PSD3: variants seen among roughly 807,000 people sequenced by gnomAD.
PSD3 encodes PH and SEC7 domain-containing protein 3.
In PSD3, 49 loss-of-function variants were observed where a neutral mutation model predicts 105.5. That is an observed-to-expected ratio of 0.46 (90% CI 0.37 to 0.59). The LOEUF (loss-of-function observed/expected upper bound fraction) is 0.59, where lower values mean the gene tolerates loss of function less well. PSD3 is among the 20% of genes least tolerant of loss of function. PSD3 has a pLI of 0.00. For synonymous variants in PSD3, 557 were observed against 457.8 expected, an observed-to-expected ratio of 1.22 and a Z score of -2.77; for missense variants, 1,561 against 1,263.8, an observed-to-expected ratio of 1.24 and a Z score of -3.57.
chr8:18,878,619 C>A (rs574939927), intron 2 of PSD3, among the ~76,000 whole-genome samples: 1 of 152,176 alleles, frequency 6.6e-6, no homozygotes, highest in South Asian at 2.1e-4. Context: ...ACCTGACATA[C>A]TTTTTCTTCT....
At chr8:18,877,422 A>G (rs1197194872) in intron 2 of PSD3, among the ~76,000 whole-genome samples, 1 of 152,188 alleles carries the variant, frequency 6.6e-6, no homozygotes, top group Admixed American at 6.5e-5. Flanking sequence ...TGAAAAGACT[A>G]TTCTTTACCC....
At chr8:18,959,713 A>G (rs1823795461) in intron 1 of PSD3, among the ~76,000 whole-genome samples, 1 of 152,156 alleles carries the variant, frequency 6.6e-6, no homozygotes, top group Non-Finnish European at 1.5e-5. Flanking sequence ...AGTGACAAGA[A>G]TTAGCCAGAC....
intron 2 of PSD3, among the ~76,000 whole-genome samples, chr8:18,919,262 G>A (rs1820832322): frequency 6.6e-6 from 1 of 152,072 alleles, no homozygotes; most frequent in South Asian, 2.1e-4. Context: ...CGCCAGCCAG[G>A]AAGGAGTTTC....
chr8:18,603,804 T>C, intron 11 of PSD3, among the ~76,000 whole-genome samples: 1 of 152,168 alleles, frequency 6.6e-6, no homozygotes, highest in East Asian at 1.9e-4. Context: ...TCGCCCAGTT[T>C]GCTTGCTCCT....
chr8:18,909,766 G>T (rs1031568915), intron 2 of PSD3, among the ~76,000 whole-genome samples: 39 of 152,302 alleles, frequency 2.6e-4, no homozygotes, highest in African/African-American at 9.1e-4. Flanking sequence ...TTACAGGTGT[G>T]AGCCACCATG....
intron 9 of PSD3, among the ~76,000 whole-genome samples, chr8:18,701,242 T>C (rs1026545554): frequency 6.6e-6 from 1 of 151,984 alleles, no homozygotes; most frequent in African/African-American, 2.4e-5. Flanking sequence ...AATTCTGAGA[T>C]TACAGGTGCA....
intron 2 of PSD3, among the ~76,000 whole-genome samples, chr8:18,908,575 C>T (rs572837098): frequency 6.6e-6 from 1 of 152,198 alleles, no homozygotes; most frequent in Non-Finnish European, 1.5e-5. Context: ...CCTGACTTCC[C>T]GTTCTGATCC....
At chr8:18,610,376 C>T (rs1478069595) in intron 11 of PSD3, among the ~76,000 whole-genome samples, 2 of 152,160 alleles carry the variant, frequency 1.3e-5, no homozygotes, top group South Asian at 2.1e-4. Flanking sequence ...GCTGAGTGTT[C>T]GAACTGTATT....
chr8:18,617,019 G>C (rs572453003), intron 11 of PSD3, among the ~76,000 whole-genome samples: 2 of 152,082 alleles, frequency 1.3e-5, no homozygotes, highest in Non-Finnish European at 2.9e-5. Context: ...ATTGAGGGTC[G>C]TGTAATCAAT....
chr8:18,900,618 T>G (rs966155648), intron 2 of PSD3, among the ~76,000 whole-genome samples: 3 of 145,408 alleles, frequency 2.1e-5, no homozygotes, highest in African/African-American at 7.6e-5. Flanking sequence ...TGATGAAAAA[T>G]ACACAAAAAC....
At chr8:18,810,098 C>T (rs1169493042) in intron 4 of PSD3, among the ~76,000 whole-genome samples, 4 of 152,164 alleles carry the variant, frequency 2.6e-5, no homozygotes, top group Non-Finnish European at 5.9e-5. Flanking sequence ...TGCTCCCATG[C>T]CTTTTACGTA....
At chr8:18,945,435 T>C (rs568825599) in intron 1 of PSD3, among the ~76,000 whole-genome samples, 2 of 152,322 alleles carry the variant, frequency 1.3e-5, no homozygotes, top group South Asian at 4.1e-4. Context: ...ATGCAAGAAA[T>C]GTAGCTCTAG....
At chr8:18,701,495 T>C (rs575007728) in intron 9 of PSD3, among the ~76,000 whole-genome samples, 1 of 152,192 alleles carries the variant, frequency 6.6e-6, no homozygotes, top group Admixed American at 6.5e-5. Context: ...TTATACAGAA[T>C]GGAACAATCA....
At chr8:18,918,409 G>A (rs1231734525) in intron 2 of PSD3, among the ~76,000 whole-genome samples, 2 of 152,176 alleles carry the variant, frequency 1.3e-5, no homozygotes, top group Non-Finnish European at 2.9e-5. Flanking sequence ...TACCTCTACT[G>A]TAGCAGGTAT....
At chr8:18,539,551 T>TG (rs1224576498) in intron 15 of PSD3, among the ~76,000 whole-genome samples, 1 of 149,902 alleles carries the variant, frequency 6.7e-6, no homozygotes, top group African/African-American at 2.4e-5. Flanking sequence ...AAATTACTTT[T>TG]TTTTTTTTTT....
chr8:18,928,094 C>T (rs1419456179), intron 2 of PSD3, among the ~76,000 whole-genome samples: 1 of 152,140 alleles, frequency 6.6e-6, no homozygotes, highest in African/African-American at 2.4e-5. Flanking sequence ...GGAAAAGCAA[C>T]CCAAATGTAT....
chr8:18,647,175 G>C (rs574385622), intron 10 of PSD3, among the ~76,000 whole-genome samples: 7 of 152,274 alleles, frequency 4.6e-5, no homozygotes, highest in African/African-American at 1.4e-4. Context: ...CTGATTTCCT[G>C]AAAAGACCAG....
At chr8:18,809,060 T>C (rs538154759) in intron 4 of PSD3, among the ~76,000 whole-genome samples, 184 of 152,266 alleles carry the variant, frequency 1.2e-3, no homozygotes, top group African/African-American at 4.3e-3. Context: ...TCGTTCACAC[T>C]TGATAAAGCC....
At chr8:19,034,888 C>G (rs780650514) in intron 1 of PSD3, among the ~76,000 whole-genome samples, 1 of 152,156 alleles carries the variant, frequency 6.6e-6, no homozygotes. Flanking sequence ...CCTGCCCTCC[C>G]TCTGCATCCC....
Sources: allele counts gnomAD v4.1 joint callset (sites outside exome capture counted in the v4.1 genomes callset), GRCh38; gene constraint gnomAD v4.1.1; transcripts MANE v1.5; gene names NCBI Gene and HGNC (gene_info 2026-07-23, HGNC 2026-07-21).